LHFPL3: variants seen among roughly 807,000 people sequenced by gnomAD.
The protein encoded by LHFPL3 is LHFPL tetraspan subfamily member 3 protein.
Under a neutral mutation model 19.3 loss-of-function variants are expected in LHFPL3, and 5 were observed. The ratio of observed to expected loss-of-function variants is 0.26; its 90% confidence interval spans 0.14 to 0.54. The LOEUF (loss-of-function observed/expected upper bound fraction) is 0.54, where lower values mean the gene tolerates loss of function less well. Ranked by LOEUF, LHFPL3 falls within the 20% of genes least tolerant of loss-of-function variation. The probability of loss-of-function intolerance (pLI) is 0.94; values close to 1 mark genes in which losing one functional copy is unlikely to be tolerated. For synonymous variants in LHFPL3, 133 were observed against 126.2 expected, an observed-to-expected ratio of 1.05 and a Z score of -0.36; for missense variants, 249 against 307.4, an observed-to-expected ratio of 0.81 and a Z score of 1.42.
At chr7:104,596,525 G>C (rs1306131172) in intron 1 of LHFPL3, among the ~76,000 whole-genome samples, 1 of 152,160 alleles carries the variant, frequency 6.6e-6, no homozygotes, top group Non-Finnish European at 1.5e-5. Flanking sequence ...CAATTTTCCT[G>C]CATCTTTCTG....
intron 2 of LHFPL3, among the ~76,000 whole-genome samples, chr7:104,866,718 A>G (rs2116649215): frequency 6.6e-6 from 1 of 152,330 alleles, no homozygotes; most frequent in Admixed American, 6.5e-5. Flanking sequence ...GCTCTGCACC[A>G]AGGGGACCTA....
At chr7:104,814,729 G>C (rs1790532284) in intron 2 of LHFPL3, among the ~76,000 whole-genome samples, 1 of 152,232 alleles carries the variant, frequency 6.6e-6, no homozygotes, top group African/African-American at 2.4e-5. Context: ...ATGCTCGTCA[G>C]TGCCCAAATT....
At chr7:104,777,753 C>T (rs1290811224) in intron 2 of LHFPL3, among the ~76,000 whole-genome samples, 4 of 146,040 alleles carry the variant, frequency 2.7e-5, no homozygotes, top group Non-Finnish European at 4.6e-5. Flanking sequence ...TGATGAACTT[C>T]TTTTTTTTTT....
intron 1 of LHFPL3, among the ~76,000 whole-genome samples, chr7:104,453,512 G>A (rs530082432): frequency 7.9e-4 from 120 of 152,198 alleles, no homozygotes; most frequent in African/African-American, 2.7e-3. Flanking sequence ...GAAAATTTAC[G>A]TCTTAAAGGA....
At chr7:104,747,493 G>C (rs1357058736) in intron 2 of LHFPL3, among the ~76,000 whole-genome samples, 1 of 152,220 alleles carries the variant, frequency 6.6e-6, no homozygotes, top group East Asian at 1.9e-4. Context: ...TTTAGTGCTA[G>C]TAGGTTTGTA....
intron 1 of LHFPL3, among the ~76,000 whole-genome samples, chr7:104,661,761 T>C (rs147731972): frequency 2.6e-5 from 4 of 152,238 alleles, no homozygotes; most frequent in African/African-American, 9.6e-5. Flanking sequence ...GTTCTCACTG[T>C]AGATTTTTGC....
At chr7:104,718,349 C>G (rs1268917760) in intron 1 of LHFPL3, among the ~76,000 whole-genome samples, 1 of 152,152 alleles carries the variant, frequency 6.6e-6, no homozygotes, top group East Asian at 1.9e-4. Context: ...GTGCCATATT[C>G]TGTTTTAGGA....
intron 2 of LHFPL3, among the ~76,000 whole-genome samples, chr7:104,899,535 C>T (rs565620263): frequency 6.6e-6 from 1 of 152,150 alleles, no homozygotes; most frequent in Non-Finnish European, 1.5e-5. Context: ...TGATACGAAG[C>T]TGGTAGTCTT....
intron 1 of LHFPL3, among the ~76,000 whole-genome samples, chr7:104,597,616 A>C (rs185256768): frequency 1.9e-4 from 29 of 152,352 alleles, no homozygotes; most frequent in Middle Eastern, 3.4e-3. Context: ...AATCCTTATT[A>C]ATTGAAGTCT....
chr7:104,807,300 C>T (rs117441781), intron 2 of LHFPL3, among the ~76,000 whole-genome samples: 42 of 152,124 alleles, frequency 2.8e-4, no homozygotes, highest in Non-Finnish European at 5.3e-4. Flanking sequence ...CAGAGAGTGC[C>T]AGCAAACCAC....
intron 1 of LHFPL3, among the ~76,000 whole-genome samples, chr7:104,603,074 C>CTTTCTTTCTT (rs762101928): frequency 5.1e-5 from 3 of 58,496 alleles, no homozygotes; most frequent in Admixed American, 1.6e-4. Flanking sequence ...CTTTTTCTTT[C>CTTTCTTTCTT]TTTCTTTCTT....
chr7:104,649,194 T>G (rs147345209), intron 1 of LHFPL3, among the ~76,000 whole-genome samples: 8 of 152,172 alleles, frequency 5.3e-5, no homozygotes, highest in Non-Finnish European at 1.2e-4. Flanking sequence ...GGCATTGAGA[T>G]GGATGGTAGG....
chr7:104,504,697 C>T (rs1295600432), intron 1 of LHFPL3, among the ~76,000 whole-genome samples: 1 of 152,102 alleles, frequency 6.6e-6, no homozygotes, highest in African/African-American at 2.4e-5. Flanking sequence ...ACTATCTACC[C>T]ACATTATACT....
intron 2 of LHFPL3, among the ~76,000 whole-genome samples, chr7:104,744,685 AT>A (rs1464529584): frequency 1.3e-5 from 2 of 152,180 alleles, no homozygotes. Flanking sequence ...CAACCTCCCA[AT>A]TGCTAAATCT....
At chr7:104,679,803 C>T (rs189910330) in intron 1 of LHFPL3, among the ~76,000 whole-genome samples, 5 of 152,256 alleles carry the variant, frequency 3.3e-5, no homozygotes, top group East Asian at 3.9e-4. Flanking sequence ...CTACAAGGCT[C>T]ATTGTAAAAT....
At chr7:104,617,841 T>C (rs1203046335) in intron 1 of LHFPL3, among the ~76,000 whole-genome samples, 1 of 152,162 alleles carries the variant, frequency 6.6e-6, no homozygotes, top group East Asian at 1.9e-4. Flanking sequence ...CTAGAGAAAA[T>C]CTGCAATCTA....
At chr7:104,354,135 T>C (rs940629011) in intron 1 of LHFPL3, among the ~76,000 whole-genome samples, 3 of 152,232 alleles carry the variant, frequency 2.0e-5, no homozygotes, top group African/African-American at 4.8e-5. Flanking sequence ...ATTTCTCTTG[T>C]TGTTATCCAT....
intron 1 of LHFPL3, among the ~76,000 whole-genome samples, chr7:104,335,112 G>A (rs1789768660): frequency 2.0e-5 from 3 of 152,182 alleles, no homozygotes; most frequent in African/African-American, 4.8e-5. Context: ...CTGAAGAGGG[G>A]ACAGAACTGG....
chr7:104,767,421 C>G (rs375554517), intron 2 of LHFPL3, among the ~76,000 whole-genome samples: 1 of 152,200 alleles, frequency 6.6e-6, no homozygotes, highest in Non-Finnish European at 1.5e-5. Context: ...AGAGGAATCA[C>G]CCCACCTCCG....
Sources: allele counts gnomAD v4.1 joint callset (sites outside exome capture counted in the v4.1 genomes callset), GRCh38; gene constraint gnomAD v4.1.1; transcripts MANE v1.5; gene names NCBI Gene and HGNC (gene_info 2026-07-23, HGNC 2026-07-21).